Variants in MECOM observed in about 807,000 individuals in gnomAD.
The protein encoded by MECOM is histone-lysine N-methyltransferase MECOM.
MECOM carries 13 observed loss-of-function variants against 116.3 expected under a neutral mutation model. The ratio of observed to expected loss-of-function variants is 0.11; its 90% CI spans 0.07 to 0.18. The LOEUF (loss-of-function observed/expected upper bound fraction) is 0.18, where lower values mean the gene tolerates loss of function less well. MECOM is among the 10% of genes least tolerant of loss of function. The pLI is 1.00. For missense variants in MECOM, 1,299 were observed against 1,509.0 expected (o/e 0.86, Z 2.31); for synonymous variants, 528 against 535.2 (o/e 0.99, Z 0.19).
intron 9 of MECOM, among the ~76,000 whole-genome samples, chr3:169,109,266 G>A (rs111943799): frequency 3.9e-5 from 6 of 152,278 alleles, no homozygotes; most frequent in African/African-American, 1.4e-4. Context: ...CTCCCTTAGA[G>A]TAAACTAACT....
At chr3:169,585,323 T>C (rs1765657107) in intron 1 of MECOM, among the ~76,000 whole-genome samples, 1 of 152,216 alleles carries the variant, frequency 6.6e-6, no homozygotes, top group Non-Finnish European at 1.5e-5. Flanking sequence ...GAATCGAAGA[T>C]TTAAGGATTG....
chr3:169,262,463 A>G (rs1329562945), intron 2 of MECOM, among the ~76,000 whole-genome samples: 3 of 152,198 alleles, frequency 2.0e-5, no homozygotes, highest in Admixed American at 1.3e-4. Context: ...ATACTGTATC[A>G]ATTCCTACAT....
intron 1 of MECOM, among the ~76,000 whole-genome samples, chr3:169,625,801 C>T (rs181392878): frequency 2.6e-5 from 4 of 152,318 alleles, no homozygotes; most frequent in African/African-American, 9.6e-5. Context: ...TCGTTTCCAT[C>T]TGAGAATCTC....
At chr3:169,162,106 C>A (rs1226687978) in intron 2 of MECOM, among the ~76,000 whole-genome samples, 1 of 152,170 alleles carries the variant, frequency 6.6e-6, no homozygotes, top group Non-Finnish European at 1.5e-5. Context: ...AGATACCAAG[C>A]ACACCAGCCA....
chr3:169,259,393 C>A (rs1757258875), intron 2 of MECOM, among the ~76,000 whole-genome samples: 2 of 152,160 alleles, frequency 1.3e-5, no homozygotes, highest in African/African-American at 4.8e-5. Context: ...TATGCTTACG[C>A]TTCTGGATTC....
intron 1 of MECOM, among the ~76,000 whole-genome samples, chr3:169,570,602 C>T (rs1763775945): frequency 6.6e-6 from 1 of 152,156 alleles, no homozygotes; most frequent in African/African-American, 2.4e-5. Flanking sequence ...AAAATACTGG[C>T]AAACTGAATC....
At chr3:169,496,966 T>C (rs1161430673) in intron 1 of MECOM, among the ~76,000 whole-genome samples, 1 of 152,236 alleles carries the variant, frequency 6.6e-6, no homozygotes, top group South Asian at 2.1e-4. Context: ...AAGAAAGATT[T>C]TAGCCTTCTA....
chr3:169,152,383 G>A (rs1384610317), intron 2 of MECOM, among the ~76,000 whole-genome samples: 1 of 152,110 alleles, frequency 6.6e-6, no homozygotes, highest in African/African-American at 2.4e-5. Flanking sequence ...TCAGTAATTT[G>A]GTTCTCCAGG....
chr3:169,183,439 C>T (rs1315943098), intron 2 of MECOM, among the ~76,000 whole-genome samples: 1 of 152,140 alleles, frequency 6.6e-6, no homozygotes, highest in Non-Finnish European at 1.5e-5. Flanking sequence ...ATCTCTTTGA[C>T]TTTAGATTTC....
intron 2 of MECOM, among the ~76,000 whole-genome samples, chr3:169,368,928 G>T (rs1729626603): frequency 6.6e-6 from 1 of 151,954 alleles, no homozygotes; most frequent in Non-Finnish European, 1.5e-5. Flanking sequence ...TTTATATGAG[G>T]TTTCCTAACC....
chr3:169,591,450 G>A (rs1374648004), intron 1 of MECOM, among the ~76,000 whole-genome samples: 1 of 152,142 alleles, frequency 6.6e-6, no homozygotes, highest in African/African-American at 2.4e-5. Context: ...GATGCACCAA[G>A]CCGAGAGAGA....
rs116227884 is a variant in MECOM, at chr3:169,235,094, G to A, written c.376-91262C>T. ...TCTTTTGGACAACGACAGTGCTTAC[G>A]CTATGATTTAAAAGTCCAATTTTAT... On this transcript the variant is annotated intron_variant, in intron 2 of 16. Coordinates refer to ENST00000651503, the MANE Select transcript of MECOM (RefSeq NM_004991.4). Among the ~76,000 whole-genome samples the A allele has an allele frequency of 5.5e-3, 835 of 152,236 alleles. 14 individuals are homozygous for A. Among genetic ancestry groups the A allele is most frequent in the African/African-American group, 0.019 (804 of 41,554 alleles).
At chr3:169,559,566 G>A (rs943814155) in intron 1 of MECOM, among the ~76,000 whole-genome samples, 1 of 152,128 alleles carries the variant, frequency 6.6e-6, no homozygotes, top group Non-Finnish European at 1.5e-5. Flanking sequence ...CCCTTTAACA[G>A]TTATTTGTTT....
intron 1 of MECOM, among the ~76,000 whole-genome samples, chr3:169,631,269 G>A (rs1772046705): frequency 6.6e-6 from 1 of 152,122 alleles, no homozygotes; most frequent in Non-Finnish European, 1.5e-5. Flanking sequence ...TTTCCTTCAA[G>A]CACTCACTTT....
chr3:169,470,248 C>T (rs947023771), intron 1 of MECOM: 8 of 152,088 alleles, frequency 5.3e-5, no homozygotes, highest in African/African-American at 1.4e-4. Flanking sequence ...TATTCATAGC[C>T]ATAAGAAAAG....
chr3:169,485,967 TATATAC>T (rs1181897363), intron 1 of MECOM, among the ~76,000 whole-genome samples: 10 of 96,768 alleles, frequency 1.0e-4, no homozygotes, highest in East Asian at 6.8e-4. Flanking sequence ...ATATATACTA[TATATAC>T]ATATATATAT....
intron 1 of MECOM, among the ~76,000 whole-genome samples, chr3:169,512,188 T>C (rs1756054032): frequency 6.6e-6 from 1 of 152,188 alleles, no homozygotes; most frequent in Non-Finnish European, 1.5e-5. Context: ...GAATTAACAC[T>C]TTTTGAAATT....
At chr3:169,524,487 C>T (rs1051169057) in intron 1 of MECOM, among the ~76,000 whole-genome samples, 3 of 152,192 alleles carry the variant, frequency 2.0e-5, no homozygotes, top group Non-Finnish European at 2.9e-5. Context: ...TCTGTTTTCA[C>T]GCCTAAGTAA....
At chr3:169,510,691 C>G (rs915327152) in intron 1 of MECOM, among the ~76,000 whole-genome samples, 2 of 152,180 alleles carry the variant, frequency 1.3e-5, no homozygotes. Context: ...ACTCTCCTCC[C>G]GATAAACCAG....
Sources: gnomAD v4.1 joint callset for allele counts (sites outside exome capture counted in the v4.1 genomes callset) on GRCh38, gnomAD v4.1.1 for gene constraint, MANE v1.5 for transcripts, NCBI Gene and HGNC (gene_info 2026-07-23, HGNC 2026-07-21) for gene names.